TNFAIP8L3: variants seen among roughly 807,000 people sequenced by gnomAD.
The protein encoded by TNFAIP8L3 is TNF alpha induced protein 8 like 3, also known as tumor necrosis factor alpha-induced protein 8-like protein 3.
In TNFAIP8L3, 7 loss-of-function variants were observed where a neutral mutation model predicts 11.8. The ratio of observed to expected loss-of-function variants is 0.59; its 90% CI spans 0.34 to 1.11. The LOEUF (loss-of-function observed/expected upper bound fraction) is 1.11. TNFAIP8L3 is among the 50% of genes most tolerant of loss of function. TNFAIP8L3 has a pLI of 0.03. For missense variants in TNFAIP8L3, 219 were observed against 258.6 expected (o/e 0.85, Z 1.05); for synonymous variants, 98 against 103.8 (o/e 0.94, Z 0.34).
At chr15:51,082,416 G>A (rs771375496) in intron 1 of TNFAIP8L3, among the ~76,000 whole-genome samples, 17 of 152,200 alleles carry the variant, frequency 1.1e-4, no homozygotes, top group Non-Finnish European at 1.8e-4. Context: ...AGAGCTTGCA[G>A]GACTGGAAGT....
At chr15:51,081,572 C>G (rs1215453879) in intron 1 of TNFAIP8L3, among the ~76,000 whole-genome samples, 2 of 152,248 alleles carry the variant, frequency 1.3e-5, no homozygotes, top group Admixed American at 1.3e-4. Context: ...CAACCTCCAC[C>G]CTCTTCACAT....
chr15:51,105,024 A>G, exon 1 of TNFAIP8L3: 1 of 1,614,128 alleles, frequency 6.2e-7, no homozygotes, highest in Non-Finnish European at 8.5e-7. Context: ...TTCCCCTCTG[A>G]AGATGAAAAG....
Position 51,057,829 on chromosome 15 carries a change from T to C in TNFAIP8L3, c.*52A>G. On this transcript the variant is annotated 3_prime_UTR_variant, in exon 2 of 2. Transcript: ENST00000637513. Reference sequence around the variant, plus strand: ...ATGTTCTTGATTCTCACCCAGATCATGGTTGAGTGCTGTAACTTTAAAGCA... The same window carrying C: ...ATGTTCTTGATTCTCACCCAGATCACGGTTGAGTGCTGTAACTTTAAAGCA... 2.8e-6 allele frequency: 4 copies of C among 1,442,958 alleles called. No homozygotes were observed. Among genetic ancestry groups the C allele is most frequent in the Non-Finnish European group, 3.8e-6 (4 of 1,066,570 alleles). 89.4% of individuals were successfully genotyped at this position (1,442,958 alleles called of 1,614,324 possible).
chr15:51,057,962 A>G lies in TNFAIP8L3; in HGVS notation c.534T>C (p.Tyr178=), dbSNP rs369873952. ...FADVEFLSTL[Y]SLDGDCRPNL... is the part of the protein sequence containing the mutation. ...TGGGCCTACAGTCTCCATCCAGACTATAGAGGGTGGAGAGGAACTCCACAT... is the reference window on the plus strand; with the variant it reads ...TGGGCCTACAGTCTCCATCCAGACTGTAGAGGGTGGAGAGGAACTCCACAT... The change falls in exon 2 of 2, where the codon TAT becomes TAC. Residue 178 remains tyrosine, a synonymous_variant. Coordinates refer to ENST00000637513, the MANE Select transcript of TNFAIP8L3 (RefSeq NM_001311175.2). 3 of 1,614,040 alleles carry G rather than the reference A, an allele frequency of 1.9e-6. No individual in the cohort carries two copies. In the African/African-American group the frequency reaches 4.0e-5, roughly 22 times the overall value.
chr15:51,096,100 G>A (rs1021751410), upstream of TNFAIP8L3, among the ~76,000 whole-genome samples: 4 of 152,186 alleles, frequency 2.6e-5, no homozygotes, highest in African/African-American at 9.6e-5. Flanking sequence ...TGATGTCCCT[G>A]TGGTCTCAGG....
chr15:51,101,004 A>C (rs2065546879), intron 1 of TNFAIP8L3, among the ~76,000 whole-genome samples: 1 of 152,234 alleles, frequency 6.6e-6, no homozygotes, highest in African/African-American at 2.4e-5. Flanking sequence ...GGATACAGCC[A>C]GTGGGAGGCA....
upstream of TNFAIP8L3, among the ~76,000 whole-genome samples, chr15:51,096,909 AAAAG>A (rs1445287870): frequency 1.8e-4 from 25 of 135,486 alleles, no homozygotes; most frequent in Non-Finnish European, 3.1e-4. Flanking sequence ...AAAAAAAAAA[AAAAG>A]AAAGAAAGAA....
chr15:51,075,824 C>T (rs1217053484), intron 1 of TNFAIP8L3, among the ~76,000 whole-genome samples: 2 of 152,144 alleles, frequency 1.3e-5, no homozygotes, highest in African/African-American at 4.8e-5. Context: ...TGGACTGAGG[C>T]TACTGGAAGG....
exon 1 of TNFAIP8L3, chr15:51,105,167 G>T (rs760354836): frequency 1.2e-6 from 2 of 1,613,572 alleles, no homozygotes; most frequent in Non-Finnish European, 1.7e-6. Context: ...TTTTGCCGTG[G>T]TTTCCCCATT....
chr15:51,078,133 A>G (rs889230968), intron 1 of TNFAIP8L3, among the ~76,000 whole-genome samples: 2 of 152,126 alleles, frequency 1.3e-5, no homozygotes, highest in African/African-American at 4.8e-5. Flanking sequence ...CTGAGGAGGG[A>G]ATGGCCACGG....
intron 1 of TNFAIP8L3, among the ~76,000 whole-genome samples, chr15:51,063,242 A>G (rs2065251353): frequency 6.6e-6 from 1 of 152,224 alleles, no homozygotes; most frequent in East Asian, 1.9e-4. Context: ...TCAGGTGGGT[A>G]GAATGAGATG....
rs752187821 is a variant in TNFAIP8L3 at position 51,058,211 on chromosome 15, G to A, written c.285C>T (p.Asn95=). Reference sequence around the variant, plus strand: ...TAACCAGCTCCTCTTGGCTAAACTGGTTGTTCCGGTAGAGGATCCCGATTT... The same window carrying A: ...TAACCAGCTCCTCTTGGCTAAACTGATTGTTCCGGTAGAGGATCCCGATTT... ...AIKIGILYRN[N]QFSQEELVIV... is the part of the protein sequence containing the mutation. The change falls in exon 2 of 2, where the codon AAC becomes AAT. Residue 95 remains asparagine (N), a synonymous_variant. Transcript: ENST00000637513. 1.2e-6 allele frequency: 2 copies of A among 1,614,198 alleles called. No homozygotes were observed. Among genetic ancestry groups the A allele is most frequent in the Non-Finnish European group, 8.5e-7 (1 of 1,180,044 alleles).
chr15:51,088,017 T>C (rs2065442586), intron 1 of TNFAIP8L3, among the ~76,000 whole-genome samples: 1 of 149,104 alleles, frequency 6.7e-6, no homozygotes. Context: ...GTCTTTTAAA[T>C]TCTTCTTCTC....
upstream of TNFAIP8L3, among the ~76,000 whole-genome samples, chr15:51,096,400 A>T (rs2140984450): frequency 1.3e-5 from 2 of 152,146 alleles, no homozygotes; most frequent in South Asian, 4.2e-4. Flanking sequence ...AAATGGCTAA[A>T]CCTCTCTCGG....
rs146507297 is a variant in TNFAIP8L3 at position 51,062,908 on chromosome 15, T to C, written c.53-4465A>G. On this transcript the variant is annotated intron_variant, in intron 1 of 1. Transcript: ENST00000637513. The stretch of plus-strand genomic sequence containing the variant: ...TTTGTAGACATGATTAAGTTGAGAG[T>C]GAAAGAGGGAAGTGGGAGAGTGAGT... Among the ~76,000 whole-genome samples the C allele has an allele frequency of 3.3e-4, 50 of 151,488 alleles. No individual in the cohort carries two copies. In the East Asian group the frequency reaches 8.9e-3, roughly 27 times the overall value.
chr15:51,071,098 A>AGT (rs1252881436), intron 1 of TNFAIP8L3, among the ~76,000 whole-genome samples: 1 of 151,760 alleles, frequency 6.6e-6, no homozygotes, highest in Non-Finnish European at 1.5e-5. Flanking sequence ...AAAACCACCA[A>AGT]GTGTTTCAAA....
chr15:51,094,985 C>T (rs2065502253), upstream of TNFAIP8L3, among the ~76,000 whole-genome samples: 1 of 151,958 alleles, frequency 6.6e-6, no homozygotes, highest in Admixed American at 6.5e-5. This position sits in a 1 kb window ranked among gnomAD's most constrained non-coding sequence, Gnocchi z 4.4. Context: ...CGTCGGAGCC[C>T]TTGGACTTGC....
intron 1 of TNFAIP8L3, among the ~76,000 whole-genome samples, chr15:51,101,722 G>T (rs755624081): frequency 1.3e-5 from 2 of 151,750 alleles, no homozygotes; most frequent in Non-Finnish European, 2.9e-5. Context: ...CAAGGTGGGC[G>T]GATCATGAGG....
At chr15:51,066,159 C>T (rs1256215259) in intron 1 of TNFAIP8L3, among the ~76,000 whole-genome samples, 4 of 112,266 alleles carry the variant, frequency 3.6e-5, no homozygotes, top group Non-Finnish European at 3.5e-5. Context: ...CTTGAACTTT[C>T]TTTCCTTTTT....
Sources: allele counts gnomAD v4.1 joint callset (sites outside exome capture counted in the v4.1 genomes callset), GRCh38; gene constraint gnomAD v4.1.1; non-coding constraint Gnocchi (gnomAD v3.1); transcripts MANE v1.5; gene names NCBI Gene and HGNC (gene_info 2026-07-23, HGNC 2026-07-21).